LEPR: variants seen among roughly 807,000 people sequenced by gnomAD.
The protein encoded by LEPR is OB receptor.
Under a neutral mutation model 114.7 loss-of-function variants are expected in LEPR, and 56 were observed. The ratio of observed to expected loss-of-function variants is 0.49; its 90% CI spans 0.39 to 0.61. The LOEUF (loss-of-function observed/expected upper bound fraction) is 0.61. Among genes scored for constraint, LEPR ranks in the 20% least tolerant of loss-of-function variants. The probability of loss-of-function intolerance (pLI) is 0.00; values close to 1 mark genes in which losing one functional copy is unlikely to be tolerated. For missense variants in LEPR, 1,202 were observed against 1,352.9 expected (o/e 0.89, Z 1.75); for synonymous variants, 443 against 461.4 (o/e 0.96, Z 0.51).
Position 65,618,129 on chromosome 1 carries a change from A to C in LEPR, c.2378A>C (p.Lys793Thr). 1 of 1,608,148 alleles carries C rather than the reference A, an allele frequency of 6.2e-7. No individual in the cohort carries two copies. Among genetic ancestry groups the C allele is most frequent in the Non-Finnish European group, 8.5e-7 (1 of 1,177,348 alleles). Residue 793 changes from lysine (K) to threonine (T), a missense_variant, in exon 16 of 20, where the codon AAG becomes ACG. By Grantham distance (78) the Lys-to-Thr change is moderately conservative. Transcript: ENST00000349533. ...TGGCTTAGAATCTCTTCATCTGTTA[A>C]GAAGTATTATATCCATGGTAAGTTT... ...IKWLRISSSVKKYYIHDHFIP... is the reference protein window; with the variant it reads ...IKWLRISSSVTKYYIHDHFIP...
At chr1:65,607,593 A>G (rs1656894690) in intron 11 of LEPR, among the ~76,000 whole-genome samples, 1 of 152,252 alleles carries the variant, frequency 6.6e-6, no homozygotes, top group South Asian at 2.1e-4. Context: ...GTCTTAGTGC[A>G]GATAATCAAG....
At chr1:65,469,283 A>G (rs909637544) in intron 2 of LEPR, among the ~76,000 whole-genome samples, 1 of 152,186 alleles carries the variant, frequency 6.6e-6, no homozygotes, top group Non-Finnish European at 1.5e-5. Flanking sequence ...GTGAGAGTAA[A>G]TAACTGAGCT....
intron 2 of LEPR, among the ~76,000 whole-genome samples, chr1:65,471,631 C>T (rs1647084439): frequency 1.3e-5 from 2 of 152,078 alleles, no homozygotes; most frequent in African/African-American, 4.8e-5. Flanking sequence ...CTTTGATGGA[C>T]AAACAGAGAA....
chr1:65,435,614 G>A (rs896003113), intron 2 of LEPR: 6 of 805,004 alleles, frequency 7.5e-6, no homozygotes, highest in South Asian at 5.6e-5. Flanking sequence ...TGATCCGCCC[G>A]CCTCTGCCTC....
At chr1:65,493,393 T>G (rs146361138) in intron 2 of LEPR, among the ~76,000 whole-genome samples, 1 of 152,216 alleles carries the variant, frequency 6.6e-6, no homozygotes, top group East Asian at 1.9e-4. Context: ...AATTAGGTAT[T>G]ACAGGGTAAG....
At chr1:65,422,474 T>C (rs1302486928) in intron 1 of LEPR, among the ~76,000 whole-genome samples, 1 of 152,226 alleles carries the variant, frequency 6.6e-6, no homozygotes, top group African/African-American at 2.4e-5. Flanking sequence ...AGAAGATAAA[T>C]TTCTGTTGTT....
chr1:65,615,340 TAAGAA>T (rs1657464764), intron 14 of LEPR, among the ~76,000 whole-genome samples: 1 of 152,196 alleles, frequency 6.6e-6, no homozygotes, highest in African/African-American at 2.4e-5. Flanking sequence ...CTGTGGAATA[TAAGAA>T]TAGAATTGAA....
At chr1:65,525,732 G>T in intron 2 of LEPR, 3 of 985,976 alleles carry the variant, frequency 3.0e-6, no homozygotes, top group Non-Finnish European at 3.6e-6. Context: ...CAGAGCCCAC[G>T]GCCAGCCGAG....
In LEPR at chr1:65,639,549, A is replaced by C. The variant is rs1280521385; in HGVS notation, c.*2534A>C. On this transcript the variant is annotated 3_prime_UTR_variant, in exon 20 of 20. Transcript: ENST00000349533. ...AAAAATTTAGAATGTTTTATGCCTC[A>C]GAATGGTCAGGAACTTCCCATTTCT... The C allele has an allele frequency of 2.0e-5, 3 of 152,178 alleles. No homozygotes were observed. Among genetic ancestry groups the C allele is most frequent in the African/African-American group, 7.2e-5 (3 of 41,450 alleles). 9.4% of individuals were successfully genotyped at this position (152,178 alleles called of 1,614,324 possible). A position where few individuals can be genotyped will look rare whatever the true frequency, so the allele number is the denominator to read the frequency against.
intron 2 of LEPR, among the ~76,000 whole-genome samples, chr1:65,452,463 A>C (rs977164767): frequency 1.1e-4 from 17 of 151,776 alleles, no homozygotes; most frequent in Non-Finnish European, 2.2e-4. Context: ...ATCAATACCT[A>C]ATTTATTGAG....
intron 2 of LEPR, among the ~76,000 whole-genome samples, chr1:65,485,052 C>T (rs979484232): frequency 6.6e-6 from 1 of 152,170 alleles, no homozygotes; most frequent in African/African-American, 2.4e-5. Context: ...AGAGAGAATA[C>T]ACTTGAAGTA....
At chr1:65,427,831 G>A (rs374163320) in intron 2 of LEPR, 3 of 397,922 alleles carry the variant, frequency 7.5e-6, no homozygotes, top group East Asian at 1.6e-4. Context: ...TGTAGAGACC[G>A]AGTCTCTCTG....
chr1:65,429,895 C>T (rs780089873), intron 2 of LEPR: 21 of 1,514,248 alleles, frequency 1.4e-5, no homozygotes, highest in Admixed American at 1.8e-5. Flanking sequence ...TGATTTTCCA[C>T]GCCATCTCCC....
Position 65,633,850 on chromosome 1 carries a change from C to G in LEPR, c.2674-2341C>G, listed in dbSNP as rs1384613179. 2.0e-6 allele frequency: 2 copies of G among 985,292 alleles called. No individual in the cohort carries two copies. Among genetic ancestry groups the G allele is most frequent in the Non-Finnish European group, 2.4e-6 (2 of 829,962 alleles). The allele number at this position is 985,292 out of a possible 1,614,324, so 61.0% of individuals were successfully genotyped here. ...GAAGCCCGAAGTTGTGTTTGTGCTG[C>G]CCACAGGACAGTGGGAGTTACAGTT... On this transcript the variant is annotated intron_variant, in intron 19 of 19. Transcript: ENST00000349533. The surrounding 1 kb of genome is among the most constrained non-coding windows in gnomAD (Gnocchi z 4.1).
chr1:65,487,098 G>A (rs11808888), intron 2 of LEPR, among the ~76,000 whole-genome samples: 36,533 of 152,064 alleles, frequency 0.24, 6,249 homozygotes, highest in African/African-American at 0.49. Flanking sequence ...CACACAAACT[G>A]CAGTTTAACC....
intron 19 of LEPR, chr1:65,634,076 T>C: frequency 1.0e-6 from 1 of 985,312 alleles, no homozygotes; most frequent in Non-Finnish European, 1.2e-6. Context: ...TAGTTCATGG[T>C]GAGGACAGAA....
rs988518822 is a variant in LEPR, at chr1:65,606,463, G to A, written c.1603+1226G>A. Among the ~76,000 whole-genome samples the A allele has an allele frequency of 3.3e-5, 5 of 152,252 alleles. No individual in the cohort carries two copies. The South Asian group carries it at 1.0e-3, about 32-fold the overall frequency. On this transcript the variant is annotated intron_variant, in intron 11 of 19. Transcript: ENST00000349533. ...ACTTAGTACTAGAAAGTAACTCAAC[G>A]TTGGGATCCAAATACCATCTCCACT... is the stretch of plus-strand genomic sequence containing the variant.
intron 2 of LEPR, among the ~76,000 whole-genome samples, chr1:65,554,110 C>G (rs1177541878): frequency 6.6e-6 from 1 of 152,144 alleles, no homozygotes; most frequent in Non-Finnish European, 1.5e-5. Context: ...CACCAGATGC[C>G]AGCTGGAGCT....
At chr1:65,620,447 T>A (rs1284342280) in intron 17 of LEPR, among the ~76,000 whole-genome samples, 1 of 152,222 alleles carries the variant, frequency 6.6e-6, no homozygotes, top group Admixed American at 6.5e-5. Context: ...GATTGAATAG[T>A]GAACATAAGT....
Sources: allele counts gnomAD v4.1 joint callset (sites outside exome capture counted in the v4.1 genomes callset), GRCh38; gene constraint gnomAD v4.1.1; non-coding constraint Gnocchi (gnomAD v3.1); transcripts MANE v1.5; gene names NCBI Gene and HGNC (gene_info 2026-07-23, HGNC 2026-07-21).